Variants in CMIP observed in about 807,000 individuals in gnomAD.
CMIP encodes c-Maf inducing protein.
A neutral mutation model predicts 97.3 loss-of-function variants in CMIP; 13 were observed. The observed-to-expected ratio is 0.13, with a 90% CI of 0.09 to 0.21. CMIP has a LOEUF of 0.21. CMIP is among the 10% of genes least tolerant of loss of function. CMIP has a pLI of 1.00. For synonymous variants in CMIP, 538 were observed against 436.3 expected, an observed-to-expected ratio of 1.23 and a Z score of -2.91; for missense variants, 847 against 1,024.9, an observed-to-expected ratio of 0.83 and a Z score of 2.37.
intron 4 of CMIP, among the ~76,000 whole-genome samples, chr16:81,654,024 C>T (rs1459048216): frequency 6.6e-6 from 1 of 152,188 alleles, no homozygotes; most frequent in Non-Finnish European, 1.5e-5. Context: ...AGAAGTTCCA[C>T]CTTAGAGTTG....
intron 1 of CMIP, among the ~76,000 whole-genome samples, chr16:81,558,826 CAGT>C (rs1290838177): frequency 1.3e-5 from 2 of 152,228 alleles, no homozygotes; most frequent in African/African-American, 4.8e-5. Context: ...TGGCTGCGCA[CAGT>C]AGGCCCACTG....
At chr16:81,522,358 C>T (rs1288661926) in intron 1 of CMIP, among the ~76,000 whole-genome samples, 1 of 152,162 alleles carries the variant, frequency 6.6e-6, no homozygotes, top group Non-Finnish European at 1.5e-5. Context: ...ACCCAGAGCT[C>T]CCTGAGGGTC....
intron 1 of CMIP, among the ~76,000 whole-genome samples, chr16:81,505,942 C>T (rs573989195): frequency 1.3e-5 from 2 of 152,326 alleles, no homozygotes; most frequent in South Asian, 4.1e-4. Context: ...TTGCGGTGAG[C>T]CTAGATTGTG....
intron 1 of CMIP, among the ~76,000 whole-genome samples, chr16:81,502,410 C>G (rs1410677758): frequency 6.6e-6 from 1 of 152,210 alleles, no homozygotes; most frequent in African/African-American, 2.4e-5. Context: ...GGCACTGCCT[C>G]CATGTGAGCA....
chr16:81,696,909 A>G (rs1436408961), intron 14 of CMIP: 20 of 569,000 alleles, frequency 3.5e-5, no homozygotes, highest in South Asian at 2.7e-4. Context: ...CAGCTCTCAC[A>G]GCACAGTGAG....
intron 3 of CMIP, among the ~76,000 whole-genome samples, chr16:81,646,694 C>T (rs999398718): frequency 6.6e-6 from 1 of 152,196 alleles, no homozygotes; most frequent in Non-Finnish European, 1.5e-5. Context: ...TGTGAAATTG[C>T]CTTTCTAGAC....
chr16:81,582,216 A>G (rs945702536), intron 1 of CMIP, among the ~76,000 whole-genome samples: 1 of 152,138 alleles, frequency 6.6e-6, no homozygotes, highest in Admixed American at 6.5e-5. Context: ...TTATAATTGA[A>G]CATGAGTCTG....
At chr16:81,659,073 A>G (rs187613671) in intron 5 of CMIP, among the ~76,000 whole-genome samples, 2 of 152,360 alleles carry the variant, frequency 1.3e-5, no homozygotes, top group African/African-American at 2.4e-5. Flanking sequence ...GGTTTTCTCC[A>G]TGCTTTCACC....
intron 1 of CMIP, among the ~76,000 whole-genome samples, chr16:81,588,102 GAGAC>G (rs2091411652): frequency 6.6e-6 from 1 of 152,154 alleles, no homozygotes; most frequent in Admixed American, 6.5e-5. Flanking sequence ...TTTCAGAGCT[GAGAC>G]ACTGTGTGGA....
chr16:81,654,231 T>TTTA (rs58919554), intron 4 of CMIP, among the ~76,000 whole-genome samples: 1,934 of 150,814 alleles, frequency 0.013, 35 homozygotes, highest in African/African-American at 0.037. Context: ...CTCCTTGGGC[T>TTTA]TTATTATTAT....
chr16:81,589,737 T>C (rs1280885945), intron 1 of CMIP, among the ~76,000 whole-genome samples: 2 of 152,238 alleles, frequency 1.3e-5, no homozygotes, highest in Non-Finnish European at 2.9e-5. Context: ...ATAAAATGCA[T>C]ACAGAGAAGC....
intron 1 of CMIP, among the ~76,000 whole-genome samples, chr16:81,527,214 C>A (rs2090149488): frequency 6.6e-6 from 1 of 152,162 alleles, no homozygotes; most frequent in Non-Finnish European, 1.5e-5. Flanking sequence ...GTGAGGTTTG[C>A]AGACACACCC....
intron 1 of CMIP, among the ~76,000 whole-genome samples, chr16:81,573,019 A>T (rs890243508): frequency 6.6e-6 from 1 of 152,228 alleles, no homozygotes; most frequent in African/African-American, 2.4e-5. Flanking sequence ...TCTGGTCCCT[A>T]TTGTCAGAGC....
intron 16 of CMIP, 114 bp from the exon 17 acceptor site, chr16:81,702,508 C>G: frequency 8.9e-7 from 1 of 1,121,282 alleles, no homozygotes; most frequent in South Asian, 1.3e-5. Flanking sequence ...ACCGTGTTGC[C>G]TTGTACCACC....
intron 17 of CMIP, among the ~76,000 whole-genome samples, chr16:81,703,510 A>AC: frequency 6.6e-6 from 1 of 151,664 alleles, no homozygotes; most frequent in South Asian, 2.1e-4. Flanking sequence ...CACACACACA[A>AC]ATATACACAG....
chr16:81,687,830 C>A (rs191851013), intron 10 of CMIP, among the ~76,000 whole-genome samples: 1 of 152,220 alleles, frequency 6.6e-6, no homozygotes, highest in Non-Finnish European at 1.5e-5. Context: ...GGGAAGCAGC[C>A]TGTTGGGCCT....
intron 3 of CMIP, among the ~76,000 whole-genome samples, chr16:81,628,758 T>G (rs527740162): frequency 1.3e-5 from 2 of 152,272 alleles, no homozygotes; most frequent in Admixed American, 6.5e-5. Flanking sequence ...TCGTGGCACA[T>G]CTGGGTAGAG....
chr16:81,484,600 A>T (rs528059819), intron 1 of CMIP, among the ~76,000 whole-genome samples: 1 of 151,876 alleles, frequency 6.6e-6, no homozygotes, highest in Non-Finnish European at 1.5e-5. Flanking sequence ...TAGTGGGGTC[A>T]TTGGGTAATC....
chr16:81,546,592 C>T (rs866229268), intron 1 of CMIP, among the ~76,000 whole-genome samples: 6 of 152,194 alleles, frequency 3.9e-5, no homozygotes, highest in African/African-American at 1.4e-4. Context: ...CAGCAATGAG[C>T]GAACACAGTT....
Sources: gnomAD v4.1 joint callset for allele counts (sites outside exome capture counted in the v4.1 genomes callset) on GRCh38, gnomAD v4.1.1 for gene constraint, MANE v1.5 for transcripts, NCBI Gene and HGNC (gene_info 2026-07-23, HGNC 2026-07-21) for gene names.